Variants in ZNF804A observed in about 807,000 individuals in gnomAD.
ZNF804A encodes the protein zinc finger protein 804A.
ZNF804A carries 2 observed loss-of-function variants against 16.5 expected under a neutral mutation model. The observed-to-expected ratio is 0.12, with a 90% confidence interval of 0.05 to 0.38. ZNF804A has a LOEUF of 0.38. ZNF804A is among the 10% of genes least tolerant of loss of function. The pLI is 0.99. For synonymous variants in ZNF804A, 534 were observed against 489.6 expected (o/e 1.09, Z -1.20); for missense variants, 1,473 against 1,390.7 (o/e 1.06, Z -0.94).
intron 3 of ZNF804A, 150 bp downstream of exon 3, chr2:184,933,883 T>A: frequency 1.4e-6 from 1 of 709,832 alleles, no homozygotes; most frequent in Non-Finnish European, 2.1e-6. Flanking sequence ...CTGTAAACAG[T>A]AATTTGAATT....
intron 2 of ZNF804A, among the ~76,000 whole-genome samples, chr2:184,885,224 C>T (rs979435699): frequency 2.6e-5 from 4 of 152,146 alleles, no homozygotes; most frequent in African/African-American, 9.7e-5. Context: ...AAAGGGAACA[C>T]TTATACACTG....
intron 2 of ZNF804A, among the ~76,000 whole-genome samples, chr2:184,918,243 C>A (rs1685480937): frequency 6.6e-6 from 1 of 152,120 alleles, no homozygotes; most frequent in Non-Finnish European, 1.5e-5. Flanking sequence ...CATAAGGAGC[C>A]CAAAGTGGAT....
intron 1 of ZNF804A, among the ~76,000 whole-genome samples, chr2:184,843,493 C>G (rs1156250710): frequency 6.6e-6 from 1 of 151,902 alleles, no homozygotes; most frequent in East Asian, 1.9e-4. Flanking sequence ...AGGCTGGTCT[C>G]AAACTCCTGA....
chr2:184,864,483 A>T (rs1695845568), intron 1 of ZNF804A, among the ~76,000 whole-genome samples: 2 of 152,322 alleles, frequency 1.3e-5, no homozygotes, highest in South Asian at 4.1e-4. Flanking sequence ...TTTGTTGTGC[A>T]GTTGATACAA....
intron 1 of ZNF804A, among the ~76,000 whole-genome samples, chr2:184,819,036 A>G (rs1695030270): frequency 1.3e-5 from 2 of 151,728 alleles, no homozygotes; most frequent in Admixed American, 1.3e-4. Flanking sequence ...TAAGGACCTC[A>G]ACTTCAACTC....
intron 1 of ZNF804A, among the ~76,000 whole-genome samples, chr2:184,731,564 C>CTTTTTTTTTTTTTT (rs34877709): frequency 1.2e-5 from 1 of 84,682 alleles, no homozygotes; most frequent in Non-Finnish European, 2.2e-5. Flanking sequence ...GTCTTTAACG[C>CTTTTTTTTTTTTTT]TTTTTTTTTT....
At chr2:184,659,475 A>C (rs959646219) in intron 1 of ZNF804A, among the ~76,000 whole-genome samples, 2 of 152,018 alleles carry the variant, frequency 1.3e-5, no homozygotes, top group Non-Finnish European at 2.9e-5. Context: ...ACCTATATAT[A>C]AAACAAATAT....
chr2:184,665,575 G>A (rs537699108), intron 1 of ZNF804A, among the ~76,000 whole-genome samples: 7 of 152,334 alleles, frequency 4.6e-5, no homozygotes, highest in African/African-American at 1.4e-4. Context: ...ATCTGGCACA[G>A]AATAAGTGGA....
At chr2:184,625,791 C>T (rs1462237170) in intron 1 of ZNF804A, among the ~76,000 whole-genome samples, 1 of 152,124 alleles carries the variant, frequency 6.6e-6, no homozygotes, top group Non-Finnish European at 1.5e-5. Context: ...ATGTTTTGAA[C>T]ACAATTTACT....
At chr2:184,788,364 ACT>A (rs2105777419) in intron 1 of ZNF804A, among the ~76,000 whole-genome samples, 1 of 151,882 alleles carries the variant, frequency 6.6e-6, no homozygotes, top group East Asian at 1.9e-4. Context: ...ATTTTTTTCA[ACT>A]CTGTAAGAAA....
At chr2:184,775,550 A>G (rs576221061) in intron 1 of ZNF804A, among the ~76,000 whole-genome samples, 1 of 151,714 alleles carries the variant, frequency 6.6e-6, no homozygotes, top group Non-Finnish European at 1.5e-5. Flanking sequence ...TCATATCATC[A>G]TGAACTCCTG....
intron 1 of ZNF804A, among the ~76,000 whole-genome samples, chr2:184,681,928 T>C (rs1692547203): frequency 6.6e-6 from 1 of 152,180 alleles, no homozygotes; most frequent in South Asian, 2.1e-4. Flanking sequence ...TGGCACCTGA[T>C]CCAATTTCGG....
chr2:184,650,481 A>G (rs1435946198), intron 1 of ZNF804A, among the ~76,000 whole-genome samples: 3 of 152,226 alleles, frequency 2.0e-5, no homozygotes, highest in Admixed American at 1.3e-4. Flanking sequence ...AAGAGAATGG[A>G]GTGAAAGGCA....
intron 1 of ZNF804A, among the ~76,000 whole-genome samples, chr2:184,607,839 G>A (rs1691173959): frequency 6.8e-6 from 1 of 147,968 alleles, no homozygotes; most frequent in Admixed American, 6.8e-5. Context: ...CCACCAGCCA[G>A]AAATACCAGG....
rs1247922689 is a variant in ZNF804A, at chr2:184,843,111, A to G, written c.112-23258A>G. Among the ~76,000 whole-genome samples the G allele has an allele frequency of 5.9e-5, 9 of 152,232 alleles. No homozygotes were observed. In the East Asian group the frequency reaches 1.7e-3, roughly 29 times the overall value. ...GTCCATGTATATAGTCCTGGCCTCC[A>G]GCTGCTATCACCTGAACTCTTTTCG... On this transcript the variant is annotated intron_variant, in intron 1 of 3. Transcript: ENST00000302277.
chr2:184,764,002 C>G (rs1694081269), intron 1 of ZNF804A, among the ~76,000 whole-genome samples: 1 of 151,960 alleles, frequency 6.6e-6, no homozygotes, highest in Non-Finnish European at 1.5e-5. Flanking sequence ...CATGCCCACC[C>G]CCATGAAAAC....
intron 1 of ZNF804A, among the ~76,000 whole-genome samples, chr2:184,795,517 G>GA (rs1204163914): frequency 4.3e-4 from 65 of 151,416 alleles, no homozygotes; most frequent in Admixed American, 4.1e-3. Context: ...AGGAACTAGA[G>GA]AAAAAAAGAA....
chr2:184,649,139 G>A (rs901470706), intron 1 of ZNF804A, among the ~76,000 whole-genome samples: 8 of 152,086 alleles, frequency 5.3e-5, no homozygotes, highest in East Asian at 1.9e-4. Flanking sequence ...TCTCAAAACC[G>A]TGAAATTACA....
At chr2:184,712,713 C>G (rs1559132750) in intron 1 of ZNF804A, among the ~76,000 whole-genome samples, 1 of 151,626 alleles carries the variant, frequency 6.6e-6, no homozygotes, top group Non-Finnish European at 1.5e-5. Flanking sequence ...CACTCCTATT[C>G]ATTCTTTTAT....
Sources: gnomAD v4.1 joint callset for allele counts (sites outside exome capture counted in the v4.1 genomes callset) on GRCh38, gnomAD v4.1.1 for gene constraint, MANE v1.5 for transcripts, NCBI Gene and HGNC (gene_info 2026-07-23, HGNC 2026-07-21) for gene names.